The following RHOJ variants were observed in gnomAD, a reference collection of about 807,000 sequenced individuals.
The protein encoded by RHOJ is rho-related GTP-binding protein RhoJ.
RHOJ carries 11 observed loss-of-function variants against 23.4 expected under a neutral mutation model. The observed-to-expected ratio is 0.47, with a 90% CI of 0.30 to 0.78. RHOJ has a LOEUF of 0.78. Ranked by LOEUF, RHOJ falls within the 30% of genes least tolerant of loss-of-function variation. RHOJ has a pLI of 0.08. For synonymous variants in RHOJ, 102 were observed against 102.7 expected (o/e 0.99, Z 0.04); for missense variants, 254 against 273.4 (o/e 0.93, Z 0.50).
intron 1 of RHOJ, among the ~76,000 whole-genome samples, chr14:63,216,031 GA>G (rs886175615): frequency 6.6e-6 from 1 of 152,156 alleles, no homozygotes; most frequent in African/African-American, 2.4e-5. Flanking sequence ...CCCACATGCT[GA>G]AAGGATATAT....
At chr14:63,270,782 C>T (rs1895454427) in intron 2 of RHOJ, among the ~76,000 whole-genome samples, 1 of 152,214 alleles carries the variant, frequency 6.6e-6, no homozygotes, top group African/African-American at 2.4e-5. Context: ...ATGATTATGT[C>T]ATGACTCGGA....
intron 1 of RHOJ, among the ~76,000 whole-genome samples, chr14:63,256,996 C>T (rs1315801117): frequency 9.9e-5 from 15 of 151,626 alleles, no homozygotes; most frequent in East Asian, 5.8e-4. Context: ...CACTTGAACC[C>T]GGGAGGTGGA....
At chr14:63,222,872 T>C (rs1189699206) in intron 1 of RHOJ, among the ~76,000 whole-genome samples, 2 of 152,254 alleles carry the variant, frequency 1.3e-5, no homozygotes, top group Admixed American at 6.5e-5. Context: ...GCCATTGCTT[T>C]TGGTGTTTTA....
chr14:63,270,433 C>G (rs1242114951), intron 2 of RHOJ, among the ~76,000 whole-genome samples: 2 of 152,146 alleles, frequency 1.3e-5, no homozygotes, highest in Admixed American at 1.3e-4. Flanking sequence ...TGGTAAGCTA[C>G]CGCCAGGAAC....
rs1178552573 is a variant in RHOJ at position 63,217,331 on chromosome 14, T to G, written c.178+12284T>G. Among the ~76,000 whole-genome samples, 19 of 150,006 alleles carry G rather than the reference T, an allele frequency of 1.3e-4. No individual in the cohort carries two copies. In the East Asian group the frequency reaches 3.5e-3, roughly 28 times the overall value. On this transcript the variant is annotated intron_variant, in intron 1 of 4. Transcript: ENST00000316754. Reference sequence around the variant, plus strand: ...CAATTCCCACCTATGAGTGAGAATATGTGGTGTTTGGTTTTTTGTTCTTGC... The same window carrying G: ...CAATTCCCACCTATGAGTGAGAATAGGTGGTGTTTGGTTTTTTGTTCTTGC...
chr14:63,242,613 G>C (rs1894903517), intron 1 of RHOJ, among the ~76,000 whole-genome samples: 1 of 152,110 alleles, frequency 6.6e-6, no homozygotes, highest in Admixed American at 6.6e-5. Context: ...TGATGTGCAG[G>C]AAGACACATT....
intron 1 of RHOJ, among the ~76,000 whole-genome samples, chr14:63,257,667 C>G (rs1895195139): frequency 6.7e-6 from 1 of 149,530 alleles, no homozygotes; most frequent in Admixed American, 6.7e-5. Flanking sequence ...CTTCCCCACC[C>G]ACCCCATCCT....
chr14:63,269,434 A>G (rs115963118), intron 2 of RHOJ: 1 of 333,966 alleles, frequency 3.0e-6, no homozygotes, highest in Non-Finnish European at 5.4e-6. Context: ...AATAACAGAT[A>G]TGTGACCACG....
At chr14:63,246,104 A>G (rs1240773053) in intron 1 of RHOJ, among the ~76,000 whole-genome samples, 1 of 152,134 alleles carries the variant, frequency 6.6e-6, no homozygotes, top group African/African-American at 2.4e-5. Flanking sequence ...TGCTGGGCCA[A>G]GCTCCAGAGA....
At chr14:63,205,363 A>C (rs2139722188) in intron 1 of RHOJ, among the ~76,000 whole-genome samples, 1 of 152,308 alleles carries the variant, frequency 6.6e-6, no homozygotes, top group Non-Finnish European at 1.5e-5. Context: ...TACTGTGAAC[A>C]TTTTTAAATG....
chr14:63,236,871 A>T (rs1388498302), intron 1 of RHOJ, among the ~76,000 whole-genome samples: 3 of 152,078 alleles, frequency 2.0e-5, no homozygotes, highest in Non-Finnish European at 4.4e-5. Flanking sequence ...CAAGTCTTTG[A>T]TATCCAATGG....
At chr14:63,213,505 T>C (rs973304020) in intron 1 of RHOJ, among the ~76,000 whole-genome samples, 2 of 152,246 alleles carry the variant, frequency 1.3e-5, no homozygotes, top group Non-Finnish European at 2.9e-5. Flanking sequence ...CTGTGTTGTA[T>C]ATGTACCACA....
chr14:63,205,105 T>C (rs560714303), intron 1 of RHOJ, 58 bp downstream of exon 1: 2 of 1,555,882 alleles, frequency 1.3e-6, no homozygotes, highest in African/African-American at 1.4e-5. Flanking sequence ...GGCGAGACCC[T>C]AAGTTCAGAG....
At chr14:63,263,952 G>A (rs1341759170) in intron 1 of RHOJ, among the ~76,000 whole-genome samples, 1 of 150,944 alleles carries the variant, frequency 6.6e-6, no homozygotes, top group Non-Finnish European at 1.5e-5. Context: ...CAGGAACTCA[G>A]CTCAGACACC....
intron 1 of RHOJ, among the ~76,000 whole-genome samples, chr14:63,241,645 A>G (rs946515716): frequency 6.6e-6 from 1 of 152,142 alleles, no homozygotes; most frequent in Non-Finnish European, 1.5e-5. Context: ...TGTTGTTAAG[A>G]GGTTACGAGG....
intron 1 of RHOJ, among the ~76,000 whole-genome samples, chr14:63,250,091 T>C (rs1237949642): frequency 6.6e-6 from 1 of 152,182 alleles, no homozygotes; most frequent in East Asian, 1.9e-4. Flanking sequence ...CTCCCACATC[T>C]CTACTGCTAC....
intron 1 of RHOJ, among the ~76,000 whole-genome samples, chr14:63,250,427 T>G (rs1408675699): frequency 6.6e-6 from 1 of 151,974 alleles, no homozygotes; most frequent in Non-Finnish European, 1.5e-5. Context: ...TTTGTAGAGA[T>G]AGGGTTTTGC....
chr14:63,278,747 G>A (rs1025666756), intron 2 of RHOJ, among the ~76,000 whole-genome samples: 3 of 152,114 alleles, frequency 2.0e-5, no homozygotes, highest in Non-Finnish European at 4.4e-5. Context: ...CTTTGGCGGG[G>A]GCTGAGGCAG....
intron 1 of RHOJ, among the ~76,000 whole-genome samples, chr14:63,242,387 C>A (rs1206507319): frequency 2.6e-5 from 4 of 152,124 alleles, no homozygotes; most frequent in African/African-American, 7.2e-5. Flanking sequence ...TGTAACATAG[C>A]AAGACCTCAT....
Sources: gnomAD v4.1 joint callset for allele counts (sites outside exome capture counted in the v4.1 genomes callset) on GRCh38, gnomAD v4.1.1 for gene constraint, MANE v1.5 for transcripts, NCBI Gene and HGNC (gene_info 2026-07-23, HGNC 2026-07-21) for gene names.